The following COL11A1 variants were observed in gnomAD, a reference collection of about 807,000 sequenced individuals.
COL11A1 encodes the protein collagen type XI alpha 1 chain, also known as collagen alpha-1(XI) chain.
COL11A1 carries 74 observed loss-of-function variants against 265.2 expected under a neutral mutation model. The ratio of observed to expected loss-of-function variants is 0.28; its 90% confidence interval spans 0.23 to 0.34. The LOEUF is 0.34. Among genes scored for constraint, COL11A1 ranks in the 10% least tolerant of loss-of-function variants. The pLI is 1.00. For synonymous variants in COL11A1, 816 were observed against 727.6 expected (o/e 1.12, Z -1.96); for missense variants, 2,165 against 2,263.6 (o/e 0.96, Z 0.88).
intron 2 of COL11A1, among the ~76,000 whole-genome samples, chr1:103,082,555 A>G (rs1367585273): frequency 1.3e-5 from 2 of 152,118 alleles, no homozygotes; most frequent in African/African-American, 2.4e-5. Context: ...ATATTTTCAC[A>G]GAAATGTGAT....
chr1:102,961,389 T>C (rs553642489), intron 41 of COL11A1, among the ~76,000 whole-genome samples: 1 of 152,322 alleles, frequency 6.6e-6, no homozygotes, highest in African/African-American at 2.4e-5. Context: ...TGCTTATGTT[T>C]TTTGTATCAT....
Position 103,003,236 on chromosome 1 carries a change from A to G in COL11A1, c.1977T>C (p.Thr659=), listed in dbSNP as rs979334056. 1.2e-6 allele frequency: 2 copies of G among 1,613,610 alleles called. No homozygotes were observed. The highest frequency in any genetic ancestry group is 1.7e-6 in the Non-Finnish European group (2 of 1,179,890). ...ATACAGGCTGCCCTGGAGCTCCTGG[A>G]GTTCCCCTTGGACCCAGCAAACCTC... The part of the protein sequence containing the change: ...GPRGLLGPRG[T]PGAPGQPGMA... The change falls in exon 21 of 67, where the codon ACT becomes ACC. Residue 659 remains threonine, a synonymous_variant. Transcript: ENST00000370096.
At chr1:103,091,725 T>C (rs78717067) in intron 1 of COL11A1, among the ~76,000 whole-genome samples, 8,609 of 152,078 alleles carry the variant, frequency 0.057, 331 homozygotes, top group African/African-American at 0.099. Flanking sequence ...TACACTAATA[T>C]ACACACGAAT....
intron 36 of COL11A1, among the ~76,000 whole-genome samples, chr1:102,974,254 T>C (rs944940276): frequency 3.9e-5 from 6 of 152,176 alleles, no homozygotes; most frequent in Non-Finnish European, 8.8e-5. Flanking sequence ...GAAAACAAAG[T>C]ATTTCAATTA....
chr1:103,021,278 T>C (rs1017838819), intron 9 of COL11A1, among the ~76,000 whole-genome samples: 1 of 151,992 alleles, frequency 6.6e-6, no homozygotes, highest in South Asian at 2.1e-4. Flanking sequence ...ACAATTTGGA[T>C]ATGTAACAAA....
Position 103,000,907 on chromosome 1 carries a change from G to A in COL11A1, c.2142+1018C>T, listed in dbSNP as rs531082076. ...CAGAACCTGGTATACCCAATCAATG[G>A]AATACTATGAGAACAAAATAAGGAG... On this transcript the variant is annotated intron_variant, in intron 24 of 66. Coordinates refer to ENST00000370096, the MANE Select transcript of COL11A1 (RefSeq NM_001854.4). 1.2e-4 allele frequency: 41 copies of A among 353,284 alleles called. No individual in the cohort carries two copies. In the South Asian group the frequency reaches 4.1e-3, roughly 35 times the overall value. The allele number at this position is 353,284 out of a possible 1,614,324, so 21.9% of individuals were successfully genotyped here.
intron 37 of COL11A1, among the ~76,000 whole-genome samples, chr1:102,966,120 C>A (rs551418331): frequency 6.6e-6 from 1 of 152,194 alleles, no homozygotes; most frequent in South Asian, 2.1e-4. Flanking sequence ...ATTAAAATAT[C>A]ATCTGGTTGA....
intron 1 of COL11A1, among the ~76,000 whole-genome samples, chr1:103,097,364 G>T (rs1673862575): frequency 6.6e-6 from 1 of 151,754 alleles, no homozygotes; most frequent in South Asian, 2.1e-4. Flanking sequence ...GTCCCTTATG[G>T]TGTCATCCTC....
rs746445328 is a variant in COL11A1 at position 103,005,998 on chromosome 1, T to C, written c.1791+70A>G. 3.8e-4 allele frequency: 606 copies of C among 1,611,412 alleles called. 4 individuals carry two copies. The highest frequency in any genetic ancestry group is 3.3e-4 in the Middle Eastern group (2 of 6,056). ...TATTCTCTCAGATTCAGAAAATGGA[T>C]TTTTAAATATAAAATTTTCCAGAGT... On this transcript the variant is annotated intron_variant, in intron 17 of 66. Transcript: ENST00000370096.
chr1:103,015,270 C>G (rs558117799), intron 12 of COL11A1, among the ~76,000 whole-genome samples: 1 of 151,640 alleles, frequency 6.6e-6, no homozygotes, highest in Non-Finnish European at 1.5e-5. Flanking sequence ...TACAGTAAAG[C>G]AAATAATTTT....
chr1:102,927,600 G>A (rs546297258), intron 46 of COL11A1, among the ~76,000 whole-genome samples: 25 of 151,968 alleles, frequency 1.6e-4, no homozygotes, highest in African/African-American at 5.6e-4. Context: ...CCGAGAGCAG[G>A]CCACTGCACT....
At chr1:102,996,995 T>C in intron 26 of COL11A1, 85 bp downstream of exon 26, 1 of 1,097,270 alleles carries the variant, frequency 9.1e-7, no homozygotes, top group Non-Finnish European at 1.4e-6. Flanking sequence ...ATGAACGTGA[T>C]TTATATATAT....
chr1:103,091,924 A>G (rs564829567), intron 1 of COL11A1, among the ~76,000 whole-genome samples: 47 of 152,222 alleles, frequency 3.1e-4, no homozygotes, highest in African/African-American at 1.1e-3. Flanking sequence ...AACACATAAC[A>G]AGCCTATTAG....
chr1:103,047,767 G>A (rs565084670), intron 4 of COL11A1, among the ~76,000 whole-genome samples: 1 of 152,206 alleles, frequency 6.6e-6, no homozygotes, highest in African/African-American at 2.4e-5. Context: ...ATTATTTTGA[G>A]ATATGACCCA....
intron 57 of COL11A1, among the ~76,000 whole-genome samples, chr1:102,896,616 G>A (rs906002022): frequency 2.0e-5 from 3 of 152,116 alleles, no homozygotes; most frequent in Non-Finnish European, 4.4e-5. Context: ...TTATCATTCC[G>A]CTTTACCTAA....
At chr1:103,089,004 G>A (rs895790037) in intron 1 of COL11A1, among the ~76,000 whole-genome samples, 1 of 152,050 alleles carries the variant, frequency 6.6e-6, no homozygotes, top group Non-Finnish European at 1.5e-5. Flanking sequence ...TACTAGAACT[G>A]GAATAATTTT....
intron 4 of COL11A1, among the ~76,000 whole-genome samples, chr1:103,052,227 C>T (rs181136882): frequency 6.6e-6 from 1 of 152,002 alleles, no homozygotes; most frequent in African/African-American, 2.4e-5. Flanking sequence ...TCTTCCAATT[C>T]TAAACTAGCT....
intron 4 of COL11A1, among the ~76,000 whole-genome samples, chr1:103,058,761 T>G (rs2102183388): frequency 6.6e-6 from 1 of 152,284 alleles, no homozygotes; most frequent in Admixed American, 6.5e-5. Context: ...CATTTATCAC[T>G]TAAGTTTACC....
chr1:102,921,189 G>C (rs1342509206), intron 48 of COL11A1, among the ~76,000 whole-genome samples: 1 of 152,106 alleles, frequency 6.6e-6, no homozygotes, highest in African/African-American at 2.4e-5. Flanking sequence ...GTGCATAAGA[G>C]TTATCATATG....
Sources: allele counts gnomAD v4.1 joint callset (sites outside exome capture counted in the v4.1 genomes callset), GRCh38; gene constraint gnomAD v4.1.1; transcripts MANE v1.5; gene names NCBI Gene and HGNC (gene_info 2026-07-23, HGNC 2026-07-21).